Variants in RGS6 observed in about 807,000 individuals in gnomAD.
The protein encoded by RGS6 is regulator of G protein signaling 6.
In RGS6, 30 loss-of-function variants were observed where a neutral mutation model predicts 78.5. The ratio of observed to expected loss-of-function variants is 0.38; its 90% CI spans 0.29 to 0.52. The LOEUF (loss-of-function observed/expected upper bound fraction) is 0.52. RGS6 is among the 20% of genes least tolerant of loss of function. The pLI, the probability that RGS6 is intolerant of heterozygous loss-of-function variation, is 0.85. For synonymous variants in RGS6, 206 were observed against 206.0 expected, an observed-to-expected ratio of 1.00 and a Z score of 0.00; for missense variants, 495 against 609.7, an observed-to-expected ratio of 0.81 and a Z score of 1.98.
chr14:72,474,756 G>A, intron 10 of RGS6, 57 bp downstream of exon 10: 1 of 1,363,328 alleles, frequency 7.3e-7, no homozygotes, highest in Non-Finnish European at 1.0e-6. Context: ...TCCAGTTCTA[G>A]TACTATTCAA....
chr14:72,059,229 A>G (rs1372113843), intron 2 of RGS6, among the ~76,000 whole-genome samples: 5 of 152,138 alleles, frequency 3.3e-5, no homozygotes, highest in Non-Finnish European at 7.4e-5. Context: ...CTCTTTTCTC[A>G]GGGATCTTGG....
the RGS6 span, among the ~76,000 whole-genome samples, chr14:71,885,013 A>G: frequency 1.3e-5 from 2 of 152,122 alleles, no homozygotes; most frequent in Non-Finnish European, 1.5e-5. Context: ...CATTTTCTGG[A>G]AACTGACAGC....
chr14:72,619,751 G>A, the RGS6 span, among the ~76,000 whole-genome samples: 14 of 152,272 alleles, frequency 9.2e-5, no homozygotes, highest in East Asian at 1.9e-4. Context: ...GGCAGTCGTC[G>A]TACCTACCTT....
At chr14:72,625,121 A>G in the RGS6 span, among the ~76,000 whole-genome samples, 2 of 152,154 alleles carry the variant, frequency 1.3e-5, no homozygotes, top group Non-Finnish European at 2.9e-5. Flanking sequence ...ACTTCTCATC[A>G]TACTTTTGCC....
intron 3 of RGS6, among the ~76,000 whole-genome samples, chr14:72,398,806 T>C (rs563978927): frequency 1.3e-5 from 2 of 152,346 alleles, no homozygotes; most frequent in South Asian, 2.1e-4. Context: ...CATTTCGTTA[T>C]GTACCCAGTA....
intron 2 of RGS6, among the ~76,000 whole-genome samples, chr14:72,167,780 CAGG>C (rs1321976632): frequency 6.6e-6 from 1 of 152,112 alleles, no homozygotes; most frequent in Non-Finnish European, 1.5e-5. Flanking sequence ...ACATTATCAC[CAGG>C]AGAAGTGAGT....
intron 2 of RGS6, among the ~76,000 whole-genome samples, chr14:72,334,393 G>A (rs1472935772): frequency 6.6e-6 from 1 of 152,204 alleles, no homozygotes; most frequent in Non-Finnish European, 1.5e-5. Flanking sequence ...CAGGGGGTGG[G>A]GAGGTTAAGC....
At chr14:72,427,927 C>T (rs554810589) in intron 3 of RGS6, among the ~76,000 whole-genome samples, 3 of 152,018 alleles carry the variant, frequency 2.0e-5, no homozygotes, top group Admixed American at 2.0e-4. Flanking sequence ...TCGTGAAGGG[C>T]ATCAAAAAGC....
chr14:71,918,042 G>A, the RGS6 span, among the ~76,000 whole-genome samples: 1 of 151,636 alleles, frequency 6.6e-6, no homozygotes, highest in Non-Finnish European at 1.5e-5. Context: ...TTAGCCGGGC[G>A]TGGTGGCGGG....
At chr14:72,394,156 T>A (rs1216847854) in intron 3 of RGS6, among the ~76,000 whole-genome samples, 2 of 152,048 alleles carry the variant, frequency 1.3e-5, no homozygotes, top group Non-Finnish European at 2.9e-5. Context: ...CGTCGGCCGG[T>A]CTGAGAAACA....
intron 13 of RGS6, among the ~76,000 whole-genome samples, chr14:72,499,324 C>T (rs1158579676): frequency 1.3e-5 from 2 of 152,152 alleles, no homozygotes; most frequent in Non-Finnish European, 2.9e-5. Context: ...AGAAGCTGGC[C>T]GGGAAACATC....
chr14:72,056,400 A>G (rs1296759713), intron 2 of RGS6, among the ~76,000 whole-genome samples: 2 of 152,188 alleles, frequency 1.3e-5, no homozygotes, highest in Admixed American at 1.3e-4. Flanking sequence ...TCCTCATCAA[A>G]AAACAGCCTT....
At chr14:72,361,646 A>G (rs2081477196) in intron 3 of RGS6, among the ~76,000 whole-genome samples, 2 of 152,220 alleles carry the variant, frequency 1.3e-5, no homozygotes, top group Non-Finnish European at 1.5e-5. Flanking sequence ...CTGAGAGGCC[A>G]TGATACTGGA....
chr14:72,190,011 A>G (rs2097302198), intron 2 of RGS6, among the ~76,000 whole-genome samples: 1 of 152,128 alleles, frequency 6.6e-6, no homozygotes, highest in Non-Finnish European at 1.5e-5. Context: ...TTAAACCCTC[A>G]GTTTCTTCAC....
chr14:71,877,397 A>G, the RGS6 span, among the ~76,000 whole-genome samples: 5 of 151,934 alleles, frequency 3.3e-5, no homozygotes, highest in Non-Finnish European at 5.9e-5. Context: ...TTTTCTCTAA[A>G]CTTCTCTTCT....
intron 2 of RGS6, among the ~76,000 whole-genome samples, chr14:72,236,222 A>C (rs2050977697): frequency 6.6e-6 from 1 of 152,228 alleles, no homozygotes. Context: ...TGCACCCATC[A>C]CGTACATTTT....
intron 2 of RGS6, among the ~76,000 whole-genome samples, chr14:72,337,147 G>A (rs1567790471): frequency 6.6e-6 from 1 of 152,100 alleles, no homozygotes; most frequent in African/African-American, 2.4e-5. Flanking sequence ...GCTCCTGGAA[G>A]CAGATGGAGC....
chr14:72,149,808 C>T (rs892348045), intron 2 of RGS6, among the ~76,000 whole-genome samples: 1 of 152,130 alleles, frequency 6.6e-6, no homozygotes, highest in Admixed American at 6.5e-5. Flanking sequence ...TAGACATATT[C>T]AAATGTCTTT....
At chr14:71,890,810 T>C in the RGS6 span, among the ~76,000 whole-genome samples, 3 of 152,202 alleles carry the variant, frequency 2.0e-5, no homozygotes, top group Admixed American at 6.5e-5. Flanking sequence ...AGGATTTAGC[T>C]CAGGAGCAAC....
Sources: allele counts gnomAD v4.1 joint callset (sites outside exome capture counted in the v4.1 genomes callset), GRCh38; gene constraint gnomAD v4.1.1; transcripts MANE v1.5; gene names NCBI Gene and HGNC (gene_info 2026-07-23, HGNC 2026-07-21).